RBMS3: variants seen among roughly 807,000 people sequenced by gnomAD.
RBMS3 encodes RNA binding motif single stranded interacting protein 3.
A neutral mutation model predicts 66.8 loss-of-function variants in RBMS3; 27 were observed. The ratio of observed to expected loss-of-function variants is 0.40; its 90% confidence interval spans 0.30 to 0.56. The LOEUF is 0.56. Among genes scored for constraint, RBMS3 ranks in the 20% least tolerant of loss-of-function variants. The probability of loss-of-function intolerance (pLI) is 0.40; values close to 1 mark genes in which losing one functional copy is unlikely to be tolerated. For missense variants in RBMS3, 513 were observed against 549.5 expected, an observed-to-expected ratio of 0.93 and a Z score of 0.66; for synonymous variants, 188 against 183.0, an observed-to-expected ratio of 1.03 and a Z score of -0.22.
At chr3:29,907,622 A>G (rs2060412540) in intron 10 of RBMS3, among the ~76,000 whole-genome samples, 1 of 152,118 alleles carries the variant, frequency 6.6e-6, no homozygotes, top group African/African-American at 2.4e-5. Context: ...TGTTAAAAAT[A>G]TACTTCCGGA....
intron 11 of RBMS3, among the ~76,000 whole-genome samples, chr3:29,938,438 G>A (rs1180416154): frequency 6.6e-6 from 1 of 151,846 alleles, no homozygotes; most frequent in Admixed American, 6.6e-5. Context: ...TACATTATAA[G>A]ATTTGCATTA....
At position 29,796,712 on chromosome 3, in the gene RBMS3, C is replaced by CTTTTTTTTTT. The variant is rs71295051; in HGVS notation, c.637+33731_637+33740dup. Reference sequence around the variant, plus strand: ...TGAGAAGTAATATTTTGAAAGGAATCTTTTTTTTTTTTTTTTTGGAGATGG... The same window carrying CTTTTTTTTTT: ...TGAGAAGTAATATTTTGAAAGGAATCTTTTTTTTTTTTTTTTTTTTTTTTTTTGGAGATGG... On this transcript the variant is annotated intron_variant, in intron 6 of 14. Transcript: ENST00000383767. 4.2e-3 allele frequency among the ~76,000 whole-genome samples: 483 copies of CTTTTTTTTTT among 115,222 alleles called. 31 individuals are homozygous for CTTTTTTTTTT. The highest frequency in any genetic ancestry group is 7.6e-3 in the African/African-American group (207 of 27,120). The allele number at this position is 115,222 out of a possible 152,430, so 75.6% of individuals were successfully genotyped here.
intron 1 of RBMS3, among the ~76,000 whole-genome samples, chr3:29,379,897 G>A (rs1401983619): frequency 2.0e-5 from 3 of 152,116 alleles, no homozygotes; most frequent in Admixed American, 1.3e-4. Flanking sequence ...AGCAAGGGGT[G>A]GGAATAGAAA....
chr3:29,350,565 G>A (rs2036850248), intron 1 of RBMS3, among the ~76,000 whole-genome samples: 1 of 152,178 alleles, frequency 6.6e-6, no homozygotes, highest in African/African-American at 2.4e-5. Flanking sequence ...ATAGTAGACA[G>A]TACAGGGGCC....
chr3:29,346,627 C>A (rs2036595837), intron 1 of RBMS3, among the ~76,000 whole-genome samples: 1 of 151,986 alleles, frequency 6.6e-6, no homozygotes, highest in Non-Finnish European at 1.5e-5. Context: ...TGGTCTCGAA[C>A]TCCTGACCTC....
intron 4 of RBMS3, chr3:29,698,735 G>A: frequency 1.3e-5 from 6 of 448,134 alleles, no homozygotes; most frequent in Non-Finnish European, 1.8e-5. Context: ...GTTTATTAAG[G>A]AGAGGACACT....
intron 1 of RBMS3, among the ~76,000 whole-genome samples, chr3:29,415,233 G>A (rs1020059625): frequency 3.3e-5 from 5 of 152,150 alleles, no homozygotes; most frequent in South Asian, 2.1e-4. Context: ...TGTAGATACC[G>A]GCAATTTGGA....
In RBMS3 at chr3:29,679,768, G is replaced by GTATATA. The variant is rs34934611; in HGVS notation, c.400-59938_400-59933dup. 3.4e-3 allele frequency among the ~76,000 whole-genome samples: 488 copies of GTATATA among 145,406 alleles called. 4 individuals carry two copies. The highest frequency in any genetic ancestry group is 8.6e-3 in the African/African-American group (332 of 38,606). On this transcript the variant is annotated intron_variant, in intron 4 of 14. Transcript: ENST00000383767. ...TAGCAATAATTTATACTACTTGACT[G>GTATATA]TATATATATATATATATATTATACA...
intron 5 of RBMS3, among the ~76,000 whole-genome samples, chr3:29,754,461 A>G (rs1394831250): frequency 6.6e-6 from 1 of 152,156 alleles, no homozygotes; most frequent in Non-Finnish European, 1.5e-5. Context: ...CCAAGAATGG[A>G]GCATTCAAAT....
At chr3:29,966,991 C>CT (rs2149750029) in intron 12 of RBMS3, among the ~76,000 whole-genome samples, 1 of 152,292 alleles carries the variant, frequency 6.6e-6, no homozygotes, top group East Asian at 1.9e-4. Flanking sequence ...GTGTATCACA[C>CT]TTATTGACTT....
chr3:29,357,708 C>A (rs1388170726), intron 1 of RBMS3, among the ~76,000 whole-genome samples: 2 of 152,098 alleles, frequency 1.3e-5, no homozygotes, highest in Non-Finnish European at 2.9e-5. Flanking sequence ...TTTCCAGTAC[C>A]TGTTGTTTCC....
intron 2 of RBMS3, among the ~76,000 whole-genome samples, chr3:29,460,034 ATTTTC>A (rs979880990): frequency 6.6e-6 from 1 of 152,152 alleles, no homozygotes; most frequent in African/African-American, 2.4e-5. Flanking sequence ...TTTATGAATT[ATTTTC>A]TTGTAATGAA....
Position 29,497,971 on chromosome 3 carries a change from TCA to T in RBMS3, c.307+9473_307+9474del, listed in dbSNP as rs1559412868. On this transcript the variant is annotated intron_variant, in intron 3 of 14. Coordinates refer to ENST00000383767, the MANE Select transcript of RBMS3 (RefSeq NM_001003793.3). ...TCTCAGAGTTATTCTCTAAAAGTAT[TCA>T]TTTTTTTTTTTTTTTTTTTTTTTTT... Among the ~76,000 whole-genome samples, 135 of 128,318 alleles carry T rather than the reference TCA, an allele frequency of 1.1e-3. 2 individuals carry two copies. The highest frequency in any genetic ancestry group is 1.8e-3 in the Non-Finnish European group (109 of 62,088). The allele number at this position is 128,318 out of a possible 152,430, so 84.2% of individuals were successfully genotyped here.
chr3:29,578,802 T>C (rs1380965523), intron 3 of RBMS3, among the ~76,000 whole-genome samples: 4 of 119,552 alleles, frequency 3.3e-5, no homozygotes, highest in East Asian at 4.5e-4. Context: ...TTTTTTTTTT[T>C]TTTTTTTTTT....
chr3:29,724,669 G>A (rs1204018327), intron 4 of RBMS3, among the ~76,000 whole-genome samples: 1 of 152,160 alleles, frequency 6.6e-6, no homozygotes, highest in African/African-American at 2.4e-5. Context: ...GTATCTCAGT[G>A]TCTTTTACAT....
At chr3:29,697,411 C>T (rs960409923) in intron 4 of RBMS3, among the ~76,000 whole-genome samples, 1 of 152,164 alleles carries the variant, frequency 6.6e-6, no homozygotes, top group African/African-American at 2.4e-5. Context: ...GGGAACATGA[C>T]CAGAACTTCA....
intron 4 of RBMS3, among the ~76,000 whole-genome samples, chr3:29,704,051 A>C (rs1276077442): frequency 6.6e-6 from 1 of 152,212 alleles, no homozygotes; most frequent in East Asian, 1.9e-4. Flanking sequence ...GTCTCTCATC[A>C]ACCCCAGATT....
intron 10 of RBMS3, among the ~76,000 whole-genome samples, chr3:29,930,837 G>A (rs2061102325): frequency 6.6e-6 from 1 of 152,006 alleles, no homozygotes; most frequent in Non-Finnish European, 1.5e-5. Context: ...TGTCATTAAT[G>A]CGCATGTGTG....
At chr3:29,646,841 C>T (rs961345429) in intron 4 of RBMS3, among the ~76,000 whole-genome samples, 23 of 152,068 alleles carry the variant, frequency 1.5e-4, no homozygotes, top group Admixed American at 5.9e-4. Context: ...GAATCTCCCA[C>T]GTGATTTGGG....
Sources: allele counts gnomAD v4.1 joint callset (sites outside exome capture counted in the v4.1 genomes callset), GRCh38; gene constraint gnomAD v4.1.1; transcripts MANE v1.5; gene names NCBI Gene and HGNC (gene_info 2026-07-23, HGNC 2026-07-21).